The following MBD1 variants were observed in gnomAD, a reference collection of about 807,000 sequenced individuals.
The protein encoded by MBD1 is methyl-CpG binding domain protein 1, also known as methyl-CpG-binding domain protein 1.
A neutral mutation model predicts 82.6 loss-of-function variants in MBD1; 25 were observed. The observed-to-expected ratio is 0.30, with a 90% confidence interval of 0.22 to 0.42. The LOEUF is 0.42. Ranked by LOEUF, MBD1 falls within the 10% of genes least tolerant of loss-of-function variation. The pLI, the probability that MBD1 is intolerant of heterozygous loss-of-function variation, is 1.00. For synonymous variants in MBD1, 301 were observed against 303.7 expected (o/e 0.99, Z 0.09); for missense variants, 627 against 819.6 (o/e 0.76, Z 2.87).
rs576884848 is a variant in MBD1 at position 50,273,202 on chromosome 18, G to A, written c.1584+132C>T. 4.9e-5 allele frequency: 67 copies of A among 1,362,734 alleles called. 1 individual carries two copies. In the South Asian group the frequency reaches 5.2e-4, roughly 11 times the overall value. 84.4% of individuals were successfully genotyped at this position (1,362,734 alleles called of 1,614,324 possible). On this transcript the variant is annotated intron_variant, in intron 13 of 16. Transcript: ENST00000269468. ...GAGGTAGGGTGTCTGTTAGACAGGC[G>A]GGGTAATTCTGCAGAAACGTCGCAA...
At position 50,274,338 on chromosome 18, in the gene MBD1, G is replaced by A; in HGVS notation, c.994C>T (p.Arg332Cys). Reference sequence around the variant, plus strand: ...GCCCCGCACTTGCGGTTCTGCCGGCGGTTCGTGTAGGGCTGCTGGGGTGGG... The same window carrying A: ...GCCCCGCACTTGCGGTTCTGCCGGCAGTTCGTGTAGGGCTGCTGGGGTGGG... Reference protein sequence around the residue: ...DEDELQPYTNRRQNRKCGACA... With the variant: ...DEDELQPYTNCRQNRKCGACA... Residue 332 changes from arginine (R) to cysteine (C), a missense_variant, in exon 11 of 17, where the codon CGC becomes TGC. This residue lies in a region of MBD1 where 228 missense variants were observed against 318.1 expected (regional missense o/e 0.72). Coordinates refer to ENST00000269468, the MANE Select transcript of MBD1 (RefSeq NM_015846.4). 1 of 1,613,218 alleles carries A rather than the reference G, an allele frequency of 6.2e-7. No homozygotes were observed. Among genetic ancestry groups the A allele is most frequent in the Non-Finnish European group, 8.5e-7 (1 of 1,179,878 alleles).
intron 16 of MBD1, chr18:50,271,205 C>G: frequency 7.5e-7 from 1 of 1,324,702 alleles, no homozygotes; most frequent in Non-Finnish European, 9.7e-7. Flanking sequence ...TTACCTTTCT[C>G]CAACCCAGCT....
At position 50,275,162 on chromosome 18, in the gene MBD1, T is replaced by G; in HGVS notation, c.876A>C (p.Pro292=). 6.2e-7 allele frequency: 1 copy of G among 1,613,224 alleles called. No homozygotes were observed. Among genetic ancestry groups the G allele is most frequent in the South Asian group, 1.1e-5 (1 of 91,024 alleles). ...RRPGAQPLPP[P]PPSQSPEPTE... ...TGGGCTCTGGGGACTGTGATGGGGG[T>G]GGTGGAGGCAGTGGCTGGGCTCCGG... Residue 292 remains proline, a synonymous_variant, in exon 9 of 17, where the codon CCA becomes CCC. Transcript: ENST00000269468.
chr18:50,277,610 T>G (rs1318547560), intron 2 of MBD1, among the ~76,000 whole-genome samples: 1 of 151,944 alleles, frequency 6.6e-6, no homozygotes, highest in Non-Finnish European at 1.5e-5. Flanking sequence ...TTTAAAAACA[T>G]ATAAACAAAT....
intron 1 of MBD1, chr18:50,281,032 C>G: frequency 2.5e-6 from 2 of 786,816 alleles, no homozygotes; most frequent in Non-Finnish European, 4.0e-6. Flanking sequence ...AGCCTGAGGG[C>G]CCCTCATTTC....
intron 8 of MBD1, 149 bp downstream of exon 8, chr18:50,275,451 G>C (rs1294668855): frequency 6.2e-7 from 1 of 1,600,668 alleles, no homozygotes; most frequent in South Asian, 1.1e-5. Flanking sequence ...GGTGCTGGCA[G>C]ACAGAGGCAG....
At chr18:50,273,513 T>G (rs752424018) in intron 12 of MBD1, 42 bp from the exon 13 acceptor site, 2 of 1,613,644 alleles carry the variant, frequency 1.2e-6, no homozygotes, top group South Asian at 1.1e-5. Context: ...CTCAGCTCCC[T>G]GGCATGCAGC....
At chr18:50,274,102 C>T (rs1911005615) in intron 11 of MBD1, 84 bp downstream of exon 11, 1 of 1,579,004 alleles carries the variant, frequency 6.3e-7, no homozygotes, top group Non-Finnish European at 8.7e-7. Context: ...ACCCACCCAC[C>T]TACCAAGCCT....
Position 50,275,161 on chromosome 18 carries a change from G to C in MBD1, c.877C>G (p.Pro293Ala). 6.2e-7 allele frequency: 1 copy of C among 1,614,184 alleles called. No homozygotes were observed. The change falls in exon 9 of 17, where the codon CCC becomes GCC. Residue 293 changes from proline (P) to alanine (A), a missense_variant. By Grantham distance (27) the Pro-to-Ala change is conservative. This residue lies in a region of MBD1 where 228 missense variants were observed against 318.1 expected (regional missense o/e 0.72). Transcript: ENST00000269468. ...RPGAQPLPPPPPSQSPEPTEP... is the reference protein window; with the variant it reads ...RPGAQPLPPPAPSQSPEPTEP... ...GTGGGCTCTGGGGACTGTGATGGGGGTGGTGGAGGCAGTGGCTGGGCTCCG... is the reference window on the plus strand; with the variant it reads ...GTGGGCTCTGGGGACTGTGATGGGGCTGGTGGAGGCAGTGGCTGGGCTCCG...
chr18:50,279,198 G>A (rs2039259687), intron 2 of MBD1, among the ~76,000 whole-genome samples: 1 of 152,188 alleles, frequency 6.6e-6, no homozygotes, highest in Non-Finnish European at 1.5e-5. Context: ...CCTCAACAAT[G>A]CTGTCAACTA....
rs376103296 is a variant in MBD1, at chr18:50,272,914, A to G, written c.1626T>C (p.Pro542=). The stretch of plus-strand genomic sequence containing the variant: ...TCTCCTCCTTGTCCTCCTCTGGGTC[A>G]GGTGGCTCTTGCTTCACAGAAGGCA... ...PGLPSVKQEP[P]DPEEDKEENK... is the part of the protein sequence containing the mutation. The change falls in exon 14 of 17, where the codon CCT becomes CCC. Residue 542 remains proline (P), a synonymous_variant. Coordinates refer to ENST00000269468, the MANE Select transcript of MBD1 (RefSeq NM_015846.4). 9.3e-6 allele frequency: 15 copies of G among 1,614,230 alleles called. 1 individual carries two copies. In the African/African-American group the frequency reaches 9.3e-5, roughly 10 times the overall value.
chr18:50,272,441 A>T (rs527489607), intron 15 of MBD1: 20 of 578,898 alleles, frequency 3.5e-5, no homozygotes, highest in Non-Finnish European at 5.9e-5. Context: ...ATAGAGTACC[A>T]AGTCTTTCCC....
At chr18:50,270,957 C>T in intron 16 of MBD1, 1 of 828,114 alleles carries the variant, frequency 1.2e-6, no homozygotes, top group Non-Finnish European at 1.5e-6. Context: ...GTTTTCCCAT[C>T]CACATAAATG....
downstream of MBD1, among the ~76,000 whole-genome samples, chr18:50,268,123 C>T (rs2034143759): frequency 6.6e-6 from 1 of 152,242 alleles, no homozygotes; most frequent in African/African-American, 2.4e-5. Flanking sequence ...GTTCTTTGAT[C>T]TTCGAGTCCA....
At chr18:50,268,209 A>G (rs2034165870), downstream of MBD1, among the ~76,000 whole-genome samples, 1 of 152,038 alleles carries the variant, frequency 6.6e-6, no homozygotes, top group Admixed American at 6.5e-5. Context: ...GGCAATGAAA[A>G]CGCCTTGGGC....
downstream of MBD1, among the ~76,000 whole-genome samples, chr18:50,268,142 C>T (rs2034148512): frequency 6.6e-6 from 1 of 152,222 alleles, no homozygotes; most frequent in Non-Finnish European, 1.5e-5. Context: ...CAACGGGCTC[C>T]GGGCCCGCCC....
chr18:50,281,732 T>A, upstream of MBD1: 1 of 371,840 alleles, frequency 2.7e-6, no homozygotes, highest in Middle Eastern at 6.8e-4. Flanking sequence ...GGACTGGCAG[T>A]TGCGGCTCTC....
downstream of MBD1, among the ~76,000 whole-genome samples, chr18:50,268,483 C>G (rs2034239964): frequency 2.0e-5 from 3 of 152,272 alleles, no homozygotes; most frequent in Non-Finnish European, 2.9e-5. Context: ...GGCCCTAGCC[C>G]AAGTACTGGG....
Position 50,277,135 on chromosome 18 carries a change from G to A in MBD1, c.180C>T (p.Thr60=), listed in dbSNP as rs1386405408. 1.9e-6 allele frequency: 3 copies of A among 1,614,198 alleles called. No homozygotes were observed. The highest frequency in any genetic ancestry group is 2.5e-6 in the Non-Finnish European group (3 of 1,180,034). The change falls in exon 3 of 17, where the codon ACC becomes ACT. Residue 60 remains threonine (T), a synonymous_variant. Transcript: ENST00000269468. ...AGATGCCTTGTTTGAAGTCGAAGAG[G>A]GTGAGATCACACGCAGGGCCCAGGT... is the stretch of plus-strand genomic sequence containing the variant. ...TRYLGPACDL[T]LFDFKQGILC...
Sources: allele counts gnomAD v4.1 joint callset (sites outside exome capture counted in the v4.1 genomes callset), GRCh38; gene constraint gnomAD v4.1.1; regional missense constraint gnomAD v4.1.1; transcripts MANE v1.5; gene names NCBI Gene and HGNC (gene_info 2026-07-23, HGNC 2026-07-21).